The following CNBD1 variants were observed in gnomAD, a reference collection of about 807,000 sequenced individuals.
The protein encoded by CNBD1 is cyclic nucleotide binding domain containing 1, also known as cyclic nucleotide-binding domain-containing protein 1.
A neutral mutation model predicts 54.4 loss-of-function variants in CNBD1; 71 were observed. The ratio of observed to expected loss-of-function variants is 1.30; its 90% confidence interval spans 1.08 to 1.59. CNBD1 has a LOEUF of 1.59. Ranked by LOEUF, CNBD1 falls within the 40% of genes most tolerant of loss-of-function variation. The pLI is 0.00. For synonymous variants in CNBD1, 182 were observed against 170.7 expected, an observed-to-expected ratio of 1.07 and a Z score of -0.51; for missense variants, 659 against 518.0, an observed-to-expected ratio of 1.27 and a Z score of -2.64.
At chr8:87,078,235 G>A (rs1051788116) in intron 4 of CNBD1, among the ~76,000 whole-genome samples, 1 of 152,186 alleles carries the variant, frequency 6.6e-6, no homozygotes, top group East Asian at 1.9e-4. Flanking sequence ...TAGGTGGGCT[G>A]TCCACTATTT....
chr8:87,202,372 G>A (rs1211656386), intron 4 of CNBD1, among the ~76,000 whole-genome samples: 2 of 152,120 alleles, frequency 1.3e-5, no homozygotes, highest in Non-Finnish European at 2.9e-5. Flanking sequence ...ATTATAATAT[G>A]GATCATGGTT....
intron 4 of CNBD1, among the ~76,000 whole-genome samples, chr8:87,081,877 T>G (rs997667719): frequency 6.6e-6 from 1 of 152,202 alleles, no homozygotes; most frequent in African/African-American, 2.4e-5. Context: ...CAATTTAGTC[T>G]CTAATTTTTC....
chr8:86,873,921 A>G (rs1344350474), intron 1 of CNBD1, among the ~76,000 whole-genome samples: 1 of 152,240 alleles, frequency 6.6e-6, no homozygotes, highest in Non-Finnish European at 1.5e-5. Context: ...TTTTAAAAAA[A>G]CATTGTTACA....
In CNBD1 at chr8:87,246,812, A is replaced by T. The variant is rs112074108; in HGVS notation, c.771+9700A>T. Among the ~76,000 whole-genome samples, 127 of 152,152 alleles carry T rather than the reference A, an allele frequency of 8.3e-4. 1 individual carries two copies. Among genetic ancestry groups the T allele is most frequent in the African/African-American group, 3.0e-3 (125 of 41,534 alleles). ...ACTAGGGGTGGGGGATGGTTTTGGGATGATTTAAGAGCATTACACTTATTG... is the reference window on the plus strand; with the variant it reads ...ACTAGGGGTGGGGGATGGTTTTGGGTTGATTTAAGAGCATTACACTTATTG... On this transcript the variant is annotated intron_variant, in intron 6 of 10. Transcript: ENST00000518476.
At chr8:87,256,996 CT>C (rs1808037482) in intron 6 of CNBD1, among the ~76,000 whole-genome samples, 1 of 152,012 alleles carries the variant, frequency 6.6e-6, no homozygotes, top group Admixed American at 6.6e-5. Flanking sequence ...TGAAAATATA[CT>C]GTAACATAAT....
rs771036847 is a variant in CNBD1 at position 87,166,190 on chromosome 8, G to C, written c.432-39803G>C. 1.8e-4 allele frequency among the ~76,000 whole-genome samples: 27 copies of C among 151,814 alleles called. No individual in the cohort carries two copies. The highest frequency in any genetic ancestry group is 6.6e-5 in the Admixed American group (1 of 15,194). ...AATAAATGAGACTAGGAATTATCCA[G>C]ATGAGTAAGTGACAAACCTAAGCAT... On this transcript the variant is annotated intron_variant, in intron 4 of 10. Coordinates refer to ENST00000518476, the MANE Select transcript of CNBD1 (RefSeq NM_173538.3). This position sits in a 1 kb window ranked among gnomAD's most constrained non-coding sequence, Gnocchi z 4.3.
intron 6 of CNBD1, among the ~76,000 whole-genome samples, chr8:87,270,845 A>T (rs970574343): frequency 2.0e-5 from 3 of 151,538 alleles, no homozygotes; most frequent in Admixed American, 6.6e-5. Context: ...ATAAGAGTTT[A>T]TATTAGTTAG....
chr8:87,420,304 A>C (rs1315839075), intron 2 of CNBD1, among the ~76,000 whole-genome samples: 1 of 152,022 alleles, frequency 6.6e-6, no homozygotes, highest in African/African-American at 2.4e-5. Context: ...TAACAGCAGG[A>C]CCTTTTAAAT....
chr8:87,074,031 G>A (rs1251151614), intron 4 of CNBD1, among the ~76,000 whole-genome samples: 2 of 151,276 alleles, frequency 1.3e-5, no homozygotes, highest in East Asian at 3.9e-4. Flanking sequence ...AACCTGGGAG[G>A]CAGAGCTTGC....
intron 8 of CNBD1, among the ~76,000 whole-genome samples, chr8:87,330,591 G>T (rs1475975956): frequency 6.6e-6 from 1 of 152,006 alleles, no homozygotes; most frequent in Non-Finnish European, 1.5e-5. Context: ...ATTTTCAGTT[G>T]TTCTGGATAT....
chr8:87,005,725 A>G (rs2130552020), intron 4 of CNBD1, among the ~76,000 whole-genome samples: 1 of 152,226 alleles, frequency 6.6e-6, no homozygotes, highest in African/African-American at 2.4e-5. Flanking sequence ...ATTGAAACAA[A>G]AAGTAGGAGA....
intron 5 of CNBD1, among the ~76,000 whole-genome samples, chr8:87,218,863 C>T (rs1006610386): frequency 6.6e-5 from 10 of 151,898 alleles, no homozygotes; most frequent in Admixed American, 6.6e-5. Flanking sequence ...TTGCCTTCAT[C>T]AGTTTTTCCT....
intron 4 of CNBD1, among the ~76,000 whole-genome samples, chr8:87,081,641 G>C (rs555135569): frequency 6.6e-6 from 1 of 151,748 alleles, no homozygotes; most frequent in Non-Finnish European, 1.5e-5. Flanking sequence ...GAGTAGCTGG[G>C]ATAACAGGCG....
chr8:86,971,807 T>C (rs1347001292), intron 4 of CNBD1, among the ~76,000 whole-genome samples: 1 of 152,162 alleles, frequency 6.6e-6, no homozygotes. Context: ...TGTAACCAAC[T>C]GCCTCAATGA....
At chr8:87,139,247 A>G (rs1812322992) in intron 4 of CNBD1, among the ~76,000 whole-genome samples, 2 of 152,238 alleles carry the variant, frequency 1.3e-5, no homozygotes, top group African/African-American at 4.8e-5. Flanking sequence ...AGAAAAAGTC[A>G]TAGGTTTTAT....
chr8:87,314,079 CATTT>C (rs1469439159), intron 8 of CNBD1, among the ~76,000 whole-genome samples: 2 of 151,778 alleles, frequency 1.3e-5, no homozygotes, highest in Non-Finnish European at 2.9e-5. Context: ...GATTTGATTA[CATTT>C]TCAAGAAGTA....
chr8:86,937,063 T>C (rs1408347305), intron 3 of CNBD1, among the ~76,000 whole-genome samples: 1 of 152,134 alleles, frequency 6.6e-6, no homozygotes, highest in East Asian at 1.9e-4. Flanking sequence ...ACTGAGTAAT[T>C]TATAAAGGAA....
Position 87,237,082 on chromosome 8 carries a change from T to C in CNBD1, c.741T>C (p.Ala247=). 2 of 1,611,276 alleles carry C rather than the reference T, an allele frequency of 1.2e-6. No homozygotes were observed. The change falls in exon 6 of 11, where the codon GCT becomes GCC. Residue 247 remains alanine (A), a synonymous_variant. Coordinates refer to ENST00000518476, the MANE Select transcript of CNBD1 (RefSeq NM_173538.3). ...WSEEFKNSTL[A]EMYLPSYDSM... The stretch of plus-strand genomic sequence containing the variant: ...AAGAATTCAAAAACTCTACACTTGC[T>C]GAGATGTACCTACCTTCATATGACT...
At chr8:86,992,486 A>G (rs932411233) in intron 4 of CNBD1, among the ~76,000 whole-genome samples, 1 of 152,050 alleles carries the variant, frequency 6.6e-6, no homozygotes, top group African/African-American at 2.4e-5. Context: ...TAGTATTGAT[A>G]TACGAAATTT....
Sources: allele counts gnomAD v4.1 joint callset (sites outside exome capture counted in the v4.1 genomes callset), GRCh38; gene constraint gnomAD v4.1.1; non-coding constraint Gnocchi (gnomAD v3.1); transcripts MANE v1.5; gene names NCBI Gene and HGNC (gene_info 2026-07-23, HGNC 2026-07-21).